Variants in ZNF292 observed in about 807,000 individuals in gnomAD.
The protein encoded by ZNF292 is 16 zinc-finger domain protein.
Under a neutral mutation model 217.9 loss-of-function variants are expected in ZNF292, and 26 were observed. The ratio of observed to expected loss-of-function variants is 0.12; its 90% CI spans 0.09 to 0.17. ZNF292 has a LOEUF of 0.17. ZNF292 is among the 10% of genes least tolerant of loss of function. The probability of loss-of-function intolerance (pLI) is 1.00; values close to 1 mark genes in which losing one functional copy is unlikely to be tolerated. For missense variants in ZNF292, 2,904 were observed against 3,175.2 expected, an observed-to-expected ratio of 0.91 and a Z score of 2.05; for synonymous variants, 1,257 against 1,124.1, an observed-to-expected ratio of 1.12 and a Z score of -2.37.
Position 87,256,283 on chromosome 6 carries a change from A to G in ZNF292, c.2654A>G (p.Asp885Gly). 4 of 1,613,838 alleles carry G rather than the reference A, an allele frequency of 2.5e-6. No individual in the cohort carries two copies. Among genetic ancestry groups the G allele is most frequent in the Non-Finnish European group, 3.4e-6 (4 of 1,179,834 alleles). ...AACATTGAAAACAGCTTACTAGCAG[A>G]TAGAAGTGATGCTTGGGATAAAAGC... ...ENNIENSLLADRSDAWDKSKA... is the reference protein window; with the variant it reads ...ENNIENSLLAGRSDAWDKSKA... The change falls in exon 8 of 8, where the codon GAT becomes GGT. Residue 885 changes from aspartate to glycine, a missense_variant. Asp to Gly is a moderately conservative substitution (Grantham distance 94). Coordinates refer to ENST00000369577, the MANE Select transcript of ZNF292 (RefSeq NM_015021.3).
Position 87,256,456 on chromosome 6 carries a change from C to G in ZNF292, c.2827C>G (p.Leu943Val), listed in dbSNP as rs550111253. ...SEVAVSIKVS[L>V]NQGIEDNFGK... is the part of the protein sequence containing the mutation. ...AGTAGCTGTGTCCATTAAGGTGTCT[C>G]TCAATCAGGGGATTGAGGATAACTT... The change falls in exon 8 of 8, where the codon CTC (leucine) becomes GTC (valine). Residue 943 changes from leucine to valine, a missense_variant. This residue lies in a region of ZNF292 where 687 missense variants were observed against 623.0 expected (regional missense o/e 1.10). Coordinates refer to ENST00000369577, the MANE Select transcript of ZNF292 (RefSeq NM_015021.3). The G allele has an allele frequency of 2.5e-6, 4 of 1,608,198 alleles. No homozygotes were observed. Among genetic ancestry groups the G allele is most frequent in the African/African-American group, 2.7e-5 (2 of 75,018 alleles).
rs759907011 is a variant in ZNF292 at position 87,261,524 on chromosome 6, A to G, written c.7895A>G (p.Asp2632Gly). Residue 2632 changes from aspartate (D) to glycine (G), a missense_variant, in exon 8 of 8, where the codon GAT (aspartate) becomes GGT (glycine). Around this residue, in one of 15 missense-constraint regions of ZNF292, gnomAD observed 380 missense variants for 355.3 expected, o/e 1.07. Transcript: ENST00000369577. ...CATTCAAATTCAAGAAAAAATATTG[A>G]TAAGACTGCTGTGACTAGTGGAAAT... ...GSHSNSRKNI[D>G]KTAVTSGNHV... 18 of 1,608,080 alleles carry G rather than the reference A, an allele frequency of 1.1e-5. No individual in the cohort carries two copies. Among genetic ancestry groups the G allele is most frequent in the South Asian group, 4.4e-5 (4 of 90,190 alleles).
At position 87,262,693 on chromosome 6, in the gene ZNF292, T is replaced by G. The variant is rs1267940330; in HGVS notation, c.*892T>G. On this transcript the variant is annotated 3_prime_UTR_variant, in exon 8 of 8. Coordinates refer to ENST00000369577, the MANE Select transcript of ZNF292 (RefSeq NM_015021.3). ...AGTGTAAATATTTGAGGTGGTGATTTGTGAAGTAGCCCAGTATTGCCTTAA... is the reference window on the plus strand; with the variant it reads ...AGTGTAAATATTTGAGGTGGTGATTGGTGAAGTAGCCCAGTATTGCCTTAA... 1 of 152,034 alleles carries G rather than the reference T, an allele frequency of 6.6e-6. No homozygotes were observed. The highest frequency in any genetic ancestry group is 1.9e-4 in the East Asian group (1 of 5,200). The allele number at this position is 152,034 out of a possible 1,614,324, so 9.4% of individuals were successfully genotyped here. A position where few individuals can be genotyped will look rare whatever the true frequency, so the allele number is the denominator to read the frequency against.
At chr6:87,161,049 A>C (rs577781306) in intron 1 of ZNF292, among the ~76,000 whole-genome samples, 1 of 152,326 alleles carries the variant, frequency 6.6e-6, no homozygotes, top group South Asian at 2.1e-4. Context: ...GAACAGGTCC[A>C]GGTAAATGAT....
intron 1 of ZNF292, among the ~76,000 whole-genome samples, chr6:87,156,064 GGA>G (rs1273316033): frequency 1.3e-5 from 2 of 152,248 alleles, no homozygotes; most frequent in African/African-American, 4.8e-5. Context: ...GGTGCGGATT[GGA>G]GAGAGTAGGA....
chr6:87,194,208 A>G (rs1771896079), intron 1 of ZNF292, among the ~76,000 whole-genome samples: 1 of 152,186 alleles, frequency 6.6e-6, no homozygotes, highest in South Asian at 2.1e-4. Flanking sequence ...TGGTAGCACA[A>G]ATAGGGAAAA....
chr6:87,168,463 A>G (rs1445089887), intron 1 of ZNF292, among the ~76,000 whole-genome samples: 1 of 152,170 alleles, frequency 6.6e-6, no homozygotes, highest in Non-Finnish European at 1.5e-5. Context: ...AGGTGATGTT[A>G]TATATTAGCT....
intron 5 of ZNF292, among the ~76,000 whole-genome samples, chr6:87,235,066 A>G (rs1773837457): frequency 6.6e-6 from 1 of 152,096 alleles, no homozygotes; most frequent in South Asian, 2.1e-4. Flanking sequence ...TTGGACTTCA[A>G]CTAGTCTATA....
chr6:87,255,075 G>T lies in ZNF292; in HGVS notation c.1446G>T (p.Val482=). The stretch of plus-strand genomic sequence containing the variant: ...ATGACAGTGAAGTATATGAAAAAGT[G>T]GTAGACTACCAAGAAGAGAGTAAAG... ...ELNDSEVYEK[V]VDYQEESKET... The change falls in exon 8 of 8, where the codon GTG becomes GTT. Residue 482 remains valine (V), a synonymous_variant. Coordinates refer to ENST00000369577, the MANE Select transcript of ZNF292 (RefSeq NM_015021.3). 3.7e-6 allele frequency: 6 copies of T among 1,613,620 alleles called. No homozygotes were observed. Among genetic ancestry groups the T allele is most frequent in the East Asian group, 2.2e-5 (1 of 44,874 alleles).
rs564026818 is a variant in ZNF292 at position 87,225,427 on chromosome 6, T to G, written c.538+6696T>G. ...TGGATCATGCTTTTGGTATTTTATC[T>G]AAAATCTCATCGTGAAATCCAAGGC... On this transcript the variant is annotated intron_variant, in intron 4 of 7. Transcript: ENST00000369577. 2.6e-5 allele frequency among the ~76,000 whole-genome samples: 4 copies of G among 152,286 alleles called. No individual in the cohort carries two copies. In the East Asian group the frequency reaches 7.7e-4, roughly 29 times the overall value.
intron 1 of ZNF292, among the ~76,000 whole-genome samples, chr6:87,171,976 A>C (rs1771114139): frequency 6.6e-6 from 1 of 152,230 alleles, no homozygotes; most frequent in Admixed American, 6.5e-5. Context: ...AATGGCAACA[A>C]AAATGCCTGA....
chr6:87,193,457 T>A (rs1480732631), intron 1 of ZNF292, among the ~76,000 whole-genome samples: 1 of 151,990 alleles, frequency 6.6e-6, no homozygotes, highest in African/African-American at 2.4e-5. Flanking sequence ...GGAGGATTGC[T>A]TGAGCCTGAG....
At chr6:87,235,042 A>T (rs1348096999) in intron 5 of ZNF292, among the ~76,000 whole-genome samples, 1 of 152,184 alleles carries the variant, frequency 6.6e-6, no homozygotes, top group African/African-American at 2.4e-5. Context: ...CTAGGATACT[A>T]TATCACTATT....
chr6:87,161,402 T>G (rs1770750338), intron 1 of ZNF292, among the ~76,000 whole-genome samples: 1 of 152,210 alleles, frequency 6.6e-6, no homozygotes, highest in Non-Finnish European at 1.5e-5. Context: ...AGGCAGTGTA[T>G]TAACTAACAA....
rs185647628 is a variant in ZNF292 at position 87,250,213 on chromosome 6, G to C, written c.1021-4437G>C. 5.3e-5 allele frequency among the ~76,000 whole-genome samples: 8 copies of C among 151,692 alleles called. No individual in the cohort carries two copies. The East Asian group carries it at 1.4e-3, about 26-fold the overall frequency. Reference sequence around the variant, plus strand: ...ACCTGTAATCCCAGCACCTTGGAAGGCTTAAACCCAGGAGTTTGAGCCAGC... The same window carrying C: ...ACCTGTAATCCCAGCACCTTGGAAGCCTTAAACCCAGGAGTTTGAGCCAGC... On this transcript the variant is annotated intron_variant, in intron 7 of 7. Coordinates refer to ENST00000369577, the MANE Select transcript of ZNF292 (RefSeq NM_015021.3).
At chr6:87,175,666 G>A (rs1771263750) in intron 1 of ZNF292, among the ~76,000 whole-genome samples, 1 of 152,142 alleles carries the variant, frequency 6.6e-6, no homozygotes, top group Non-Finnish European at 1.5e-5. Context: ...ATGGTCACCT[G>A]GCTTGGCATA....
chr6:87,255,023 C>T lies in ZNF292; in HGVS notation c.1394C>T (p.Ser465Phe). The change falls in exon 8 of 8, where the codon TCC becomes TTC. Residue 465 changes from serine (S) to phenylalanine (F), a missense_variant. Ser to Phe is a radical substitution (Grantham distance 155). This residue lies in a region of ZNF292 where 87 missense variants were observed against 99.6 expected (regional missense o/e 0.87). Coordinates refer to ENST00000369577, the MANE Select transcript of ZNF292 (RefSeq NM_015021.3). Reference protein sequence around the residue: ...QCLALMGEEASIVSSIDELND... With the variant: ...QCLALMGEEAFIVSSIDELND... ...CTTGCATTAATGGGAGAAGAAGCAT[C>T]CATTGTGTCTTCAATAGATGAACTA... is the stretch of plus-strand genomic sequence containing the variant. 6 of 1,613,760 alleles carry T rather than the reference C, an allele frequency of 3.7e-6. No individual in the cohort carries two copies. The highest frequency in any genetic ancestry group is 5.1e-6 in the Non-Finnish European group (6 of 1,179,824).
Position 87,247,085 on chromosome 6 carries a change from GTGGAGGTTACAGTGAGC to G in ZNF292, c.1020+1459_1020+1475del, listed in dbSNP as rs1316025329. Among the ~76,000 whole-genome samples the G allele has an allele frequency of 5.3e-5, 8 of 151,638 alleles. No homozygotes were observed. The South Asian group carries it at 6.2e-4, about 12-fold the overall frequency. On this transcript the variant is annotated intron_variant, in intron 7 of 7. Coordinates refer to ENST00000369577, the MANE Select transcript of ZNF292 (RefSeq NM_015021.3). ...CACAGGAATCGCTTGAGCCCAGGAGGTGGAGGTTACAGTGAGCTGGAGGTTACAGTGAGCCAAGGTTA... is the reference window on the plus strand; with the variant it reads ...CACAGGAATCGCTTGAGCCCAGGAGGTGGAGGTTACAGTGAGCCAAGGTTA...
At chr6:87,168,554 C>T (rs1015515772) in intron 1 of ZNF292, among the ~76,000 whole-genome samples, 1 of 152,194 alleles carries the variant, frequency 6.6e-6, no homozygotes, top group African/African-American at 2.4e-5. Context: ...ACTGTAACCT[C>T]TGCCTCCTGG....
Sources: gnomAD v4.1 joint callset for allele counts (sites outside exome capture counted in the v4.1 genomes callset) on GRCh38, gnomAD v4.1.1 for gene constraint, gnomAD v4.1.1 regional missense constraint, MANE v1.5 for transcripts, NCBI Gene and HGNC (gene_info 2026-07-23, HGNC 2026-07-21) for gene names.